Variants in KALRN observed in about 807,000 individuals in gnomAD.
KALRN encodes the protein kalirin RhoGEF kinase.
In KALRN, 70 loss-of-function variants were observed where a neutral mutation model predicts 353.7. That is an observed-to-expected ratio of 0.20 (90% CI 0.16 to 0.24). The LOEUF is 0.24. KALRN is among the 10% of genes least tolerant of loss of function. The pLI, the probability that KALRN is intolerant of heterozygous loss-of-function variation, is 1.00. For missense variants in KALRN, 2,791 were observed against 3,756.7 expected (o/e 0.74, Z 6.72); for synonymous variants, 1,391 against 1,434.8 (o/e 0.97, Z 0.69).
At chr3:124,692,315 G>A (rs1391271348) in intron 51 of KALRN, among the ~76,000 whole-genome samples, 1 of 152,222 alleles carries the variant, frequency 6.6e-6, no homozygotes, top group Non-Finnish European at 1.5e-5. Flanking sequence ...GCTTCACAAG[G>A]GTTTTCTGCA....
At chr3:124,232,566 G>C (rs1392628911) in intron 2 of KALRN, among the ~76,000 whole-genome samples, 1 of 152,154 alleles carries the variant, frequency 6.6e-6, no homozygotes, top group African/African-American at 2.4e-5. Context: ...TTGCTCCGTT[G>C]TTGTCCCTAC....
At chr3:124,449,802 A>T (rs1307413889) in intron 21 of KALRN, among the ~76,000 whole-genome samples, 1 of 152,202 alleles carries the variant, frequency 6.6e-6, no homozygotes, top group African/African-American at 2.4e-5. Context: ...ACAATATGAG[A>T]TCTTCTGTGA....
rs1168124863 is a variant in KALRN, at chr3:124,576,024, C to T, written c.5182+12935C>T. On this transcript the variant is annotated intron_variant, in intron 34 of 59. Transcript: ENST00000682506. The stretch of plus-strand genomic sequence containing the variant: ...GCCATTACCAATCAAGCCATGCATA[C>T]GCTCACCTCAGGGCCTGATCTTTTG... Among the ~76,000 whole-genome samples the T allele has an allele frequency of 2.0e-5, 3 of 151,910 alleles. No individual in the cohort carries two copies. The South Asian group carries it at 6.2e-4, about 32-fold the overall frequency.
intron 1 of KALRN, among the ~76,000 whole-genome samples, chr3:124,116,730 C>G (rs942442535): frequency 6.6e-6 from 1 of 152,070 alleles, no homozygotes; most frequent in African/African-American, 2.4e-5. Context: ...AAATTAGGAA[C>G]AGTAAGAGAT....
intron 34 of KALRN, among the ~76,000 whole-genome samples, chr3:124,608,171 C>A (rs370876364): frequency 6.6e-6 from 1 of 151,552 alleles, no homozygotes; most frequent in African/African-American, 2.4e-5. Context: ...TCACCGTGCC[C>A]GGCTAATTTT....
chr3:124,204,268 C>A (rs2076213832), intron 1 of KALRN, among the ~76,000 whole-genome samples: 2 of 152,168 alleles, frequency 1.3e-5, no homozygotes, highest in Admixed American at 1.3e-4. Flanking sequence ...CTGGCAAACA[C>A]AATTCTTTAG....
intron 11 of KALRN, among the ~76,000 whole-genome samples, chr3:124,390,497 G>A (rs1194686477): frequency 6.6e-6 from 1 of 152,062 alleles, no homozygotes; most frequent in Non-Finnish European, 1.5e-5. Context: ...AAACTAAATT[G>A]GTCTTCAAGA....
At chr3:124,264,786 G>A (rs2073306820) in intron 4 of KALRN, 96 bp downstream of exon 4, 1 of 1,072,172 alleles carries the variant, frequency 9.3e-7, no homozygotes, top group African/African-American at 1.6e-5. Flanking sequence ...CATACAGTAT[G>A]TGACACCTCA....
chr3:124,211,738 C>G (rs1488299238), intron 1 of KALRN, among the ~76,000 whole-genome samples: 1 of 152,168 alleles, frequency 6.6e-6, no homozygotes, highest in Non-Finnish European at 1.5e-5. Context: ...CATGTCCTTT[C>G]CCAGTGCTTC....
intron 51 of KALRN, among the ~76,000 whole-genome samples, chr3:124,692,283 G>C (rs1268598824): frequency 6.6e-6 from 1 of 152,242 alleles, no homozygotes; most frequent in African/African-American, 2.4e-5. Flanking sequence ...GGCCAGAGTT[G>C]GGGCACTCAG....
Position 124,547,583 on chromosome 3 carries a change from G to A in KALRN, c.4936-15260G>A, listed in dbSNP as rs142332278. Reference sequence around the variant, plus strand: ...GGCCTCCCAAAGTGCTAGGGTTATAGGGCATGAGCCACCATGCCCAACCTG... The same window carrying A: ...GGCCTCCCAAAGTGCTAGGGTTATAAGGCATGAGCCACCATGCCCAACCTG... On this transcript the variant is annotated intron_variant, in intron 33 of 59. Coordinates refer to ENST00000682506, the MANE Select transcript of KALRN (RefSeq NM_001388419.1). Among the ~76,000 whole-genome samples, 171 of 152,240 alleles carry A rather than the reference G, an allele frequency of 1.1e-3. 1 individual carries two copies. The highest frequency in any genetic ancestry group is 1.4e-3 in the Non-Finnish European group (95 of 68,008).
At chr3:124,630,789 A>G (rs1347556873) in intron 34 of KALRN, among the ~76,000 whole-genome samples, 1 of 152,214 alleles carries the variant, frequency 6.6e-6, no homozygotes, top group Admixed American at 6.5e-5. Context: ...AAAATAGTCA[A>G]TATATGGCAT....
At chr3:124,371,637 A>T (rs1576380755) in intron 10 of KALRN, among the ~76,000 whole-genome samples, 1 of 152,156 alleles carries the variant, frequency 6.6e-6, no homozygotes, top group African/African-American at 2.4e-5. Flanking sequence ...TAATTTCTTT[A>T]AAAAATTTTT....
At chr3:124,529,947 T>G (rs2067903264) in intron 33 of KALRN, among the ~76,000 whole-genome samples, 1 of 152,154 alleles carries the variant, frequency 6.6e-6, no homozygotes, top group South Asian at 2.1e-4. Flanking sequence ...TGGTTACCAA[T>G]GAGAAAGACT....
At chr3:124,195,539 C>T (rs1298548486) in intron 1 of KALRN, among the ~76,000 whole-genome samples, 4 of 152,104 alleles carry the variant, frequency 2.6e-5, no homozygotes, top group African/African-American at 9.7e-5. Context: ...TTTTCCCCTC[C>T]TCCTCAAGGG....
chr3:124,408,185 C>G (rs1187481971), intron 13 of KALRN, among the ~76,000 whole-genome samples: 1 of 2,498 alleles, frequency 4.0e-4, no homozygotes, highest in Non-Finnish European at 2.9e-3. Context: ...ATTTCTTGGT[C>G]TGCTAAAAAA....
At chr3:124,682,927 C>CT (rs1459340655) in intron 51 of KALRN, among the ~76,000 whole-genome samples, 2 of 152,182 alleles carry the variant, frequency 1.3e-5, no homozygotes, top group African/African-American at 4.8e-5. Context: ...GCAAGATTGG[C>CT]TCTAGGTCTA....
intron 23 of KALRN, among the ~76,000 whole-genome samples, chr3:124,457,990 T>C (rs531853384): frequency 2.0e-5 from 3 of 152,170 alleles, no homozygotes; most frequent in Admixed American, 2.0e-4. Context: ...GAGAATACTC[T>C]GCTGGCCGCG....
intron 2 of KALRN, among the ~76,000 whole-genome samples, chr3:124,229,903 G>A (rs1579714151): frequency 6.6e-6 from 1 of 152,220 alleles, no homozygotes; most frequent in African/African-American, 2.4e-5. Context: ...AAGGTAATGA[G>A]CCCCCTGCCA....
Sources: gnomAD v4.1 joint callset for allele counts (sites outside exome capture counted in the v4.1 genomes callset) on GRCh38, gnomAD v4.1.1 for gene constraint, MANE v1.5 for transcripts, NCBI Gene and HGNC (gene_info 2026-07-23, HGNC 2026-07-21) for gene names.